TF: variants seen among roughly 807,000 people sequenced by gnomAD.
TF encodes serotransferrin.
A neutral mutation model predicts 82.4 loss-of-function variants in TF; 55 were observed. The observed-to-expected ratio is 0.67, with a 90% CI of 0.54 to 0.84. The LOEUF is 0.84. TF is among the 40% of genes least tolerant of loss of function. The probability of loss-of-function intolerance (pLI) is 0.00; values close to 1 mark genes in which losing one functional copy is unlikely to be tolerated. For missense variants in TF, 737 were observed against 868.4 expected, an observed-to-expected ratio of 0.85 and a Z score of 1.90; for synonymous variants, 332 against 332.6, an observed-to-expected ratio of 1.00 and a Z score of 0.02.
chr3:133,692,283 A>G, the TF span, among the ~76,000 whole-genome samples: 3 of 152,236 alleles, frequency 2.0e-5, no homozygotes, highest in East Asian at 5.8e-4. Context: ...ATACTTGTCC[A>G]TTAGTGTCAT....
At chr3:133,703,977 G>T in the TF span, among the ~76,000 whole-genome samples, 2 of 152,192 alleles carry the variant, frequency 1.3e-5, no homozygotes, top group African/African-American at 4.8e-5. Flanking sequence ...CCAGGACGCA[G>T]CATGGGTCTC....
At position 133,793,312 on chromosome 3, in the gene TF, T is replaced by A. The variant is rs1025291144; in HGVS notation, c.*14692T>A. 1 of 152,108 alleles carries A rather than the reference T, an allele frequency of 6.6e-6. No individual in the cohort carries two copies. The highest frequency in any genetic ancestry group is 1.5e-5 in the Non-Finnish European group (1 of 67,978). The allele number at this position is 152,108 out of a possible 1,614,324, so 9.4% of individuals were successfully genotyped here. On this transcript the variant is annotated 3_prime_UTR_variant, in exon 17 of 17. Coordinates refer to ENST00000402696, the MANE Select transcript of TF (RefSeq NM_001063.4). Reference sequence around the variant, plus strand: ...ATGACTATGGTAACCTGGAATTCCATTTCATAATGTCAAGTGTTTTAAATC... The same window carrying A: ...ATGACTATGGTAACCTGGAATTCCAATTCATAATGTCAAGTGTTTTAAATC...
At chr3:133,715,993 C>G in the TF span, among the ~76,000 whole-genome samples, 1 of 152,160 alleles carries the variant, frequency 6.6e-6, no homozygotes, top group Non-Finnish European at 1.5e-5. Context: ...TCACTGGCAG[C>G]CCCCATCACT....
the TF span, among the ~76,000 whole-genome samples, chr3:133,739,983 G>A: frequency 2.4e-4 from 36 of 152,284 alleles, no homozygotes; most frequent in Middle Eastern, 6.8e-3. Flanking sequence ...CCATTACTGG[G>A]TATATACCCA....
upstream of TF, among the ~76,000 whole-genome samples, chr3:133,745,624 A>G (rs895209100): frequency 1.3e-4 from 20 of 152,352 alleles, no homozygotes; most frequent in East Asian, 3.9e-4. Flanking sequence ...CACACCGTCC[A>G]CTGGGCCGCT....
intron 8 of TF, 42 bp from the exon 9 acceptor site, chr3:133,759,133 G>T (rs1217334232): frequency 6.2e-7 from 1 of 1,613,410 alleles, no homozygotes; most frequent in Non-Finnish European, 8.5e-7. Flanking sequence ...CCAGGCAACA[G>T]CTAGGGCCGC....
the TF span, among the ~76,000 whole-genome samples, chr3:133,713,995 G>T: frequency 6.6e-6 from 1 of 152,218 alleles, no homozygotes; most frequent in Admixed American, 6.5e-5. Context: ...GAGGAACCAA[G>T]GGAGGTGATG....
At chr3:133,759,434 TC>T in intron 9 of TF, 105 bp downstream of exon 9, 1 of 1,460,892 alleles carries the variant, frequency 6.8e-7, no homozygotes, top group Non-Finnish European at 9.5e-7. Context: ...AAAACCTGGC[TC>T]CCAGGAACCT....
chr3:133,736,631 C>CAAAAAAAAAAAAAAAAAAAAAA, the TF span, among the ~76,000 whole-genome samples: 2 of 32,552 alleles, frequency 6.1e-5, no homozygotes, highest in Non-Finnish European at 1.1e-4. Context: ...AATGGAAAGC[C>CAAAAAAAAAAAAAAAAAAAAAA]AAAAAAAAAA....
intron 8 of TF, 108 bp downstream of exon 8, chr3:133,758,054 C>T (rs1451312267): frequency 9.5e-7 from 1 of 1,053,968 alleles, no homozygotes; most frequent in East Asian, 2.6e-5. Context: ...TCCTGATGCT[C>T]CTTTTTCTGA....
At chr3:133,694,634 C>A in the TF span, among the ~76,000 whole-genome samples, 1 of 152,222 alleles carries the variant, frequency 6.6e-6, no homozygotes, top group African/African-American at 2.4e-5. Context: ...ACTCTGAGAT[C>A]TACAGACACA....
At chr3:133,741,518 A>G (rs1933388553), upstream of TF, among the ~76,000 whole-genome samples, 1 of 152,238 alleles carries the variant, frequency 6.6e-6, no homozygotes, top group African/African-American at 2.4e-5. Context: ...GAAAAGCTTT[A>G]TTCAGCATGC....
the TF span, among the ~76,000 whole-genome samples, chr3:133,677,425 T>A: frequency 2.6e-5 from 4 of 152,016 alleles, no homozygotes; most frequent in Non-Finnish European, 5.9e-5. Flanking sequence ...GATCACGAGG[T>A]CAGGAGTTCA....
At chr3:133,678,866 GTTTT>G in the TF span, among the ~76,000 whole-genome samples, 1 of 151,264 alleles carries the variant, frequency 6.6e-6, no homozygotes, top group African/African-American at 2.4e-5. Context: ...GTTTTGTTTT[GTTTT>G]GTTTTGTTTT....
At chr3:133,710,799 C>A in the TF span, among the ~76,000 whole-genome samples, 1 of 152,174 alleles carries the variant, frequency 6.6e-6, no homozygotes, top group South Asian at 2.1e-4. Context: ...TTGGCCCCCC[C>A]ACAACATTCT....
In TF at chr3:133,789,059, G is replaced by A. The variant is rs77478723; in HGVS notation, c.*10439G>A. ...TATGCAAAGCGGCACTGGTGCCCACGTAAGGTCAGAGATGCCTGACACTCT... is the reference window on the plus strand; with the variant it reads ...TATGCAAAGCGGCACTGGTGCCCACATAAGGTCAGAGATGCCTGACACTCT... On this transcript the variant is annotated 3_prime_UTR_variant, in exon 17 of 17. Transcript: ENST00000402696. The A allele has an allele frequency of 3.3e-5, 5 of 152,280 alleles. No individual in the cohort carries two copies. Among genetic ancestry groups the A allele is most frequent in the South Asian group, 2.1e-4 (1 of 4,834 alleles). 9.4% of individuals were successfully genotyped at this position (152,280 alleles called of 1,614,324 possible). A position where few individuals can be genotyped will look rare whatever the true frequency, so the allele number is the denominator to read the frequency against.
At chr3:133,722,967 G>A in the TF span, among the ~76,000 whole-genome samples, 1 of 152,164 alleles carries the variant, frequency 6.6e-6, no homozygotes, top group African/African-American at 2.4e-5. Context: ...GGTCTTAGGG[G>A]TGATGAATTC....
At position 133,778,920 on chromosome 3, in the gene TF, G is replaced by T; in HGVS notation, c.*300G>T. The T allele has an allele frequency of 2.7e-6, 1 of 364,112 alleles. No homozygotes were observed. The highest frequency in any genetic ancestry group is 6.8e-5 in the East Asian group (1 of 14,758). The allele number at this position is 364,112 out of a possible 1,614,324, so 22.6% of individuals were successfully genotyped here. A position where few individuals can be genotyped will look rare whatever the true frequency, so the allele number is the denominator to read the frequency against. On this transcript the variant is annotated 3_prime_UTR_variant, in exon 17 of 17. Coordinates refer to ENST00000402696, the MANE Select transcript of TF (RefSeq NM_001063.4). ...CTGGTCTTTCCCTACAGCTTTGTGTGTGCCATGGCCACATCTCCTGGGTAC... is the reference window on the plus strand; with the variant it reads ...CTGGTCTTTCCCTACAGCTTTGTGTTTGCCATGGCCACATCTCCTGGGTAC...
the TF span, among the ~76,000 whole-genome samples, chr3:133,665,884 G>A: frequency 2.1e-5 from 3 of 144,508 alleles, no homozygotes; most frequent in African/African-American, 5.2e-5. Context: ...GTGGTGAGCC[G>A]AGATTGCACC....
Sources: allele counts gnomAD v4.1 joint callset (sites outside exome capture counted in the v4.1 genomes callset), GRCh38; gene constraint gnomAD v4.1.1; transcripts MANE v1.5; gene names NCBI Gene and HGNC (gene_info 2026-07-23, HGNC 2026-07-21).